CYB5RL: variants seen among roughly 807,000 people sequenced by gnomAD.
The protein encoded by CYB5RL is cytochrome b5 reductase like.
Under a neutral mutation model 37.5 loss-of-function variants are expected in CYB5RL, and 38 were observed. The observed-to-expected ratio is 1.01, with a 90% CI of 0.78 to 1.33. The LOEUF is 1.33. Among genes scored for constraint, CYB5RL ranks in the 40% most tolerant of loss-of-function variants. The probability of loss-of-function intolerance (pLI) is 0.00; values close to 1 mark genes in which losing one functional copy is unlikely to be tolerated. For missense variants in CYB5RL, 388 were observed against 394.4 expected (o/e 0.98, Z 0.14); for synonymous variants, 141 against 151.9 (o/e 0.93, Z 0.53).
At chr1:54,193,195 C>T (rs1396311593) in intron 3 of CYB5RL, among the ~76,000 whole-genome samples, 1 of 152,254 alleles carries the variant, frequency 6.6e-6, no homozygotes, top group Non-Finnish European at 1.5e-5. Flanking sequence ...CACATTCATT[C>T]ATCTGCAAAT....
chr1:54,179,468 G>A (rs1557719242), intron 6 of CYB5RL, 116 bp from the exon 7 acceptor site: 3 of 1,022,248 alleles, frequency 2.9e-6, no homozygotes, highest in Admixed American at 4.5e-5. Context: ...CCCTTCCTTG[G>A]TGTCCAACCA....
At chr1:54,192,645 C>G (rs1251618580) in intron 3 of CYB5RL, among the ~76,000 whole-genome samples, 1 of 152,130 alleles carries the variant, frequency 6.6e-6, no homozygotes, top group Non-Finnish European at 1.5e-5. Flanking sequence ...CCCAGTTTTT[C>G]AGATGAGAAA....
chr1:54,177,440 C>T (rs976783609), intron 7 of CYB5RL, among the ~76,000 whole-genome samples: 1 of 152,156 alleles, frequency 6.6e-6, no homozygotes, highest in African/African-American at 2.4e-5. Flanking sequence ...AACGGAAATG[C>T]CACCTGCTTG....
rs1184321316 is a variant in CYB5RL, at chr1:54,171,493, T to C, written c.*3126A>G. On this transcript the variant is annotated 3_prime_UTR_variant, in exon 8 of 8. Transcript: ENST00000534324. Reference sequence around the variant, plus strand: ...CCATGAGGGGAACACAGAAGTGACGTTGGTAAACATGGTGAGGGCTGAACT... The same window carrying C: ...CCATGAGGGGAACACAGAAGTGACGCTGGTAAACATGGTGAGGGCTGAACT... The C allele has an allele frequency of 2.2e-6, 1 of 451,310 alleles. No homozygotes were observed. Among genetic ancestry groups the C allele is most frequent in the South Asian group, 1.6e-5 (1 of 64,282 alleles). 28.0% of individuals were successfully genotyped at this position (451,310 alleles called of 1,614,324 possible).
At chr1:54,190,922 T>C in intron 3 of CYB5RL, 26 bp from the exon 4 acceptor site, 1 of 1,605,788 alleles carries the variant, frequency 6.2e-7, no homozygotes, top group Non-Finnish European at 8.5e-7. Context: ...ATCCAACAGC[T>C]AGAGGCCGGG....
chr1:54,175,972 C>T (rs560370108), intron 7 of CYB5RL, among the ~76,000 whole-genome samples: 23 of 152,148 alleles, frequency 1.5e-4, no homozygotes, highest in Non-Finnish European at 3.1e-4. Flanking sequence ...ATCTTACAAG[C>T]CCACAAAAAA....
At chr1:54,189,980 T>C (rs1403904590) in intron 4 of CYB5RL, among the ~76,000 whole-genome samples, 2 of 152,186 alleles carry the variant, frequency 1.3e-5, no homozygotes, top group Non-Finnish European at 2.9e-5. Flanking sequence ...GCCTTTCTCT[T>C]TCCATGCACA....
rs371181170 is a variant in CYB5RL, at chr1:54,187,701, G to C, written c.386C>G (p.Thr129Arg). The change falls in exon 5 of 8, where the codon ACG (threonine) becomes AGG (arginine). Residue 129 changes from threonine to arginine, a missense_variant. By Grantham distance (71) the Thr-to-Arg change is moderately conservative (BLOSUM62 -1). Transcript: ENST00000534324. ...TTCTGCGTTGGCAGGGCTGATGGGC[G>C]TATAGGCTCTCTGAATTTCTAAGTC... ...VDDLEIQRAY[T>R]PISPANAEGY... 6.2e-7 allele frequency: 1 copy of C among 1,613,856 alleles called. No homozygotes were observed. The highest frequency in any genetic ancestry group is 1.3e-5 in the African/African-American group (1 of 74,932).
rs1553178173 is a variant in CYB5RL, at chr1:54,195,511, A to G, written c.106T>C (p.Cys36Arg). 6.2e-7 allele frequency: 1 copy of G among 1,613,486 alleles called. No individual in the cohort carries two copies. The highest frequency in any genetic ancestry group is 1.1e-5 in the South Asian group (1 of 91,052). ...TCTCGGTGATAGAGGTCAAACACAC[A>G]GGGTGAGCAGCCACTGCCGCAGCAC... ...SQCCGSGCSP[C>R]VFDLYHRDLA... The change falls in exon 3 of 8, where the codon TGT becomes CGT. Residue 36 changes from cysteine (C) to arginine (R), a missense_variant. Coordinates refer to ENST00000534324, the MANE Select transcript of CYB5RL (RefSeq NM_001031672.4).
At chr1:54,181,722 T>C (rs985816094) in intron 6 of CYB5RL, among the ~76,000 whole-genome samples, 1 of 152,022 alleles carries the variant, frequency 6.6e-6, no homozygotes, top group African/African-American at 2.4e-5. Context: ...GAGGCTGACG[T>C]GGGAGGATCA....
intron 6 of CYB5RL, among the ~76,000 whole-genome samples, chr1:54,183,807 A>G (rs1040525060): frequency 2.0e-5 from 3 of 152,156 alleles, no homozygotes; most frequent in African/African-American, 7.2e-5. Flanking sequence ...GAAACCCTGT[A>G]TCTACTAAAA....
Position 54,176,802 on chromosome 1 carries a change from C to T in CYB5RL, c.745-1980G>A, listed in dbSNP as rs12239288. ...GGATAGGGGACCCCACAAACAGTGACGGTGCAGCAGGTGGGTGCTGTGAAG... is the reference window on the plus strand; with the variant it reads ...GGATAGGGGACCCCACAAACAGTGATGGTGCAGCAGGTGGGTGCTGTGAAG... On this transcript the variant is annotated intron_variant, in intron 7 of 7. Transcript: ENST00000534324. Among the ~76,000 whole-genome samples the T allele has an allele frequency of 4.5e-3, 681 of 152,276 alleles. 3 individuals carry two copies. The highest frequency in any genetic ancestry group is 0.016 in the African/African-American group (645 of 41,554).
rs149445684 is a variant in CYB5RL, at chr1:54,179,172, G to C, written c.721C>G (p.Arg241Gly). The change falls in exon 7 of 8, where the codon CGT becomes GGT. Residue 241 changes from arginine to glycine, a missense_variant. By Grantham distance (125) the Arg-to-Gly change is moderately radical. Coordinates refer to ENST00000534324, the MANE Select transcript of CYB5RL (RefSeq NM_001031672.4). ...LQEQARFWNV[R>G]TFFVLSQESS... ...ACCTGGCTGAGTACAAAGAAGGTAC[G>C]GACATTCCAGAAACGGGCCTGCTCT... 5.6e-6 allele frequency: 9 copies of C among 1,613,132 alleles called. No homozygotes were observed. Among genetic ancestry groups the C allele is most frequent in the Middle Eastern group, 1.6e-4 (1 of 6,062 alleles).
rs1659875743 is a variant in CYB5RL at position 54,170,883 on chromosome 1, G to C, written c.*3736C>G. On this transcript the variant is annotated 3_prime_UTR_variant, in exon 8 of 8. Transcript: ENST00000534324. ...GGGGTAATAAAATAGCATGTATATT[G>C]GTGAAGATTCTTGCTTCAAAGTAGA... 8.9e-6 allele frequency: 3 copies of C among 336,170 alleles called. No individual in the cohort carries two copies. The highest frequency in any genetic ancestry group is 7.2e-5 in the South Asian group (3 of 41,400). The allele number at this position is 336,170 out of a possible 1,614,324, so 20.8% of individuals were successfully genotyped here.
intron 4 of CYB5RL, among the ~76,000 whole-genome samples, chr1:54,188,824 C>A (rs1247045709): frequency 6.6e-6 from 1 of 152,130 alleles, no homozygotes; most frequent in Admixed American, 6.5e-5. Context: ...CTGAGGTATG[C>A]AAAGATTAAA....
rs1174251295 is a variant in CYB5RL, at chr1:54,170,599, G to T, written c.*4020C>A. 1 of 161,494 alleles carries T rather than the reference G, an allele frequency of 6.2e-6. No individual in the cohort carries two copies. Among genetic ancestry groups the T allele is most frequent in the Non-Finnish European group, 1.4e-5 (1 of 72,712 alleles). The allele number at this position is 161,494 out of a possible 1,614,324, so 10.0% of individuals were successfully genotyped here. On this transcript the variant is annotated 3_prime_UTR_variant, in exon 8 of 8. Coordinates refer to ENST00000534324, the MANE Select transcript of CYB5RL (RefSeq NM_001031672.4). ...GCTAATTTTTTGTATTTTTAGTACA[G>T]ACGGGGTTTCACCGTGTTAGCCAGG...
At position 54,174,044 on chromosome 1, in the gene CYB5RL, A is replaced by G. The variant is rs1659957251; in HGVS notation, c.*575T>C. ...TCACAGCAAGAAAGGCTTGGGGCCA[A>G]TACAAGACAGTCGAGGGCCCCACCT... On this transcript the variant is annotated 3_prime_UTR_variant, in exon 8 of 8. Coordinates refer to ENST00000534324, the MANE Select transcript of CYB5RL (RefSeq NM_001031672.4). 1 of 158,282 alleles carries G rather than the reference A, an allele frequency of 6.3e-6. No individual in the cohort carries two copies. The highest frequency in any genetic ancestry group is 1.4e-5 in the Non-Finnish European group (1 of 70,960). The allele number at this position is 158,282 out of a possible 1,614,324, so 9.8% of individuals were successfully genotyped here. A position where few individuals can be genotyped will look rare whatever the true frequency, so the allele number is the denominator to read the frequency against.
At position 54,171,087 on chromosome 1, in the gene CYB5RL, C is replaced by T. The variant is rs1358871372; in HGVS notation, c.*3532G>A. 1 of 454,988 alleles carries T rather than the reference C, an allele frequency of 2.2e-6. No homozygotes were observed. 28.2% of individuals were successfully genotyped at this position (454,988 alleles called of 1,614,324 possible). On this transcript the variant is annotated 3_prime_UTR_variant, in exon 8 of 8. Transcript: ENST00000534324. ...GCGACAGAAAAGCACACAAGCCTCT[C>T]TGCTCACTGACCAAGCTGGAGTGGA...
In CYB5RL at chr1:54,199,963, C is replaced by T; in HGVS notation, c.-223+13G>A. 2 of 478,150 alleles carry T rather than the reference C, an allele frequency of 4.2e-6. No individual in the cohort carries two copies. Among genetic ancestry groups the T allele is most frequent in the South Asian group, 3.2e-5 (1 of 31,222 alleles). 29.6% of individuals were successfully genotyped at this position (478,150 alleles called of 1,614,324 possible). A position where few individuals can be genotyped will look rare whatever the true frequency, so the allele number is the denominator to read the frequency against. Reference sequence around the variant, plus strand: ...AGTCCTGGAGCGATTCTCCACCCACCACGACCACTCACCTACTCGCCTGCG... The same window carrying T: ...AGTCCTGGAGCGATTCTCCACCCACTACGACCACTCACCTACTCGCCTGCG... On this transcript the variant is annotated intron_variant, in intron 1 of 7. Transcript: ENST00000534324.
Sources: gnomAD v4.1 joint callset for allele counts (sites outside exome capture counted in the v4.1 genomes callset) on GRCh38, gnomAD v4.1.1 for gene constraint, MANE v1.5 for transcripts, NCBI Gene and HGNC (gene_info 2026-07-23, HGNC 2026-07-21) for gene names.